RNH1: variants seen among roughly 807,000 people sequenced by gnomAD.
RNH1 encodes the protein ribonuclease inhibitor.
RNH1 carries 38 observed loss-of-function variants against 46.1 expected under a neutral mutation model. The ratio of observed to expected loss-of-function variants is 0.82; its 90% CI spans 0.64 to 1.08. RNH1 has a LOEUF of 1.08. Ranked by LOEUF, RNH1 falls within the 50% of genes least tolerant of loss-of-function variation. RNH1 has a pLI of 0.00. For missense variants in RNH1, 577 were observed against 590.7 expected, an observed-to-expected ratio of 0.98 and a Z score of 0.24; for synonymous variants, 319 against 279.1, an observed-to-expected ratio of 1.14 and a Z score of -1.43.
intron 7 of RNH1, 21 bp from the exon 8 acceptor site, chr11:498,648 C>T (rs1849396714): frequency 1.2e-6 from 2 of 1,610,480 alleles, no homozygotes; most frequent in Admixed American, 1.7e-5. Context: ...TGGACCACCA[C>T]AGACTTTCCT....
rs564782680 is a variant in RNH1, at chr11:500,761, GCAAGGCAAGTCA to G, written c.102-119_102-108del. ...AACCTATCAGTGGGCCCAGAAGACA[GCAAGGCAAGTCA>G]CACAAGACATTTCAGAAATGAAACA... is the stretch of plus-strand genomic sequence containing the variant. On this transcript the variant is annotated intron_variant, in intron 3 of 10. Transcript: ENST00000354420. 5.2e-4 allele frequency: 606 copies of G among 1,158,820 alleles called. 2 individuals are homozygous for G. Among genetic ancestry groups the G allele is most frequent in the East Asian group, 3.6e-3 (146 of 40,254 alleles). The allele number at this position is 1,158,820 out of a possible 1,614,324, so 71.8% of individuals were successfully genotyped here.
intron 4 of RNH1, chr11:500,279 G>C (rs762091552): frequency 5.7e-6 from 4 of 701,210 alleles, no homozygotes; most frequent in Non-Finnish European, 9.3e-6. Flanking sequence ...TCTTGGGTGC[G>C]GGGGCTGGGA....
chr11:501,930 G>C lies in RNH1; in HGVS notation c.101+132C>G. On this transcript the variant is annotated intron_variant, in intron 3 of 10. Transcript: ENST00000354420. This position sits in a 1 kb window ranked among gnomAD's most constrained non-coding sequence, Gnocchi z 4.1. ...AACACAAGAATCACATCTCATGCAC[G>C]TGGTAGCTGCACAGAATTCATACTT... 1 of 631,260 alleles carries C rather than the reference G, an allele frequency of 1.6e-6. No homozygotes were observed. The highest frequency in any genetic ancestry group is 2.8e-6 in the Non-Finnish European group (1 of 351,304). The allele number at this position is 631,260 out of a possible 1,614,324, so 39.1% of individuals were successfully genotyped here.
chr11:500,835 A>G, intron 3 of RNH1, 181 bp from the exon 4 acceptor site: 1 of 803,584 alleles, frequency 1.2e-6, no homozygotes, highest in East Asian at 2.7e-5. Flanking sequence ...TTTGTTTAAG[A>G]TGCTCGCACG....
chr11:499,407 T>G (rs1849511920), intron 5 of RNH1: 2 of 671,064 alleles, frequency 3.0e-6, no homozygotes, highest in Non-Finnish European at 5.4e-6. Flanking sequence ...GACCTCAGAC[T>G]TTGGGGCCCA....
intron 1 of RNH1, 159 bp downstream of exon 1, chr11:506,954 G>A (rs1352127126): frequency 2.6e-5 from 4 of 152,178 alleles, no homozygotes; most frequent in African/African-American, 9.7e-5. Context: ...GATAGCCCCG[G>A]ACCCCTGCCC....
intron 9 of RNH1, among the ~76,000 whole-genome samples, chr11:496,385 T>C (rs1462521608): frequency 6.6e-6 from 1 of 151,598 alleles, no homozygotes; most frequent in Non-Finnish European, 1.5e-5. Flanking sequence ...AATACAAAAA[T>C]TAGGCCAGGC....
In RNH1 at chr11:500,539, C is replaced by G. The variant is rs150705572; in HGVS notation, c.217G>C (p.Val73Leu). Residue 73 changes from valine (V) to leucine (L), a missense_variant, in exon 4 of 11, where the codon GTG becomes CTG. Coordinates refer to ENST00000354420, the MANE Select transcript of RNH1 (RefSeq NM_203387.3). ...LRSNELGDVG[V>L]HCVLQGLQTP... ...TGCAGGCCCTGGAGCACGCAATGCA[C>G]GCCGACATCGCCCAGCTCGTTGCTG... 10 of 1,610,590 alleles carry G rather than the reference C, an allele frequency of 6.2e-6. No individual in the cohort carries two copies. The highest frequency in any genetic ancestry group is 1.3e-5 in the African/African-American group (1 of 74,928).
intron 4 of RNH1, 145 bp from the exon 5 acceptor site, chr11:500,144 G>A (rs1849610279): frequency 4.0e-6 from 4 of 998,988 alleles, no homozygotes; most frequent in South Asian, 1.7e-5. Context: ...GGGGTCTGGG[G>A]TCTCCAGGCC....
intron 1 of RNH1, chr11:506,484 C>T (rs1419579459): frequency 6.6e-6 from 1 of 152,266 alleles, no homozygotes; most frequent in Admixed American, 6.5e-5. Flanking sequence ...TTGCTCTCCT[C>T]CCCGCAGCCC....
At chr11:500,946 T>C in intron 3 of RNH1, 2 of 474,306 alleles carry the variant, frequency 4.2e-6, no homozygotes, top group Non-Finnish European at 7.8e-6. Context: ...CTGACCAACA[T>C]GGAGAAACCC....
intron 8 of RNH1, 113 bp downstream of exon 8, chr11:498,344 G>T: frequency 7.0e-7 from 1 of 1,421,496 alleles, no homozygotes. Context: ...GCATTCTGAA[G>T]GTCGGAGCTG....
At chr11:500,698 T>C in intron 3 of RNH1, 44 bp from the exon 4 acceptor site, 1 of 1,596,256 alleles carries the variant, frequency 6.3e-7, no homozygotes. Flanking sequence ...CAGACAGCAC[T>C]GGCCTCAGCC....
At chr11:506,644 G>A (rs1850293892) in intron 1 of RNH1, 1 of 152,386 alleles carries the variant, frequency 6.6e-6, no homozygotes, top group Non-Finnish European at 1.5e-5. Flanking sequence ...AGCCGTTCGA[G>A]TCTTCTCCGC....
chr11:495,274 C>G (rs989154773), intron 9 of RNH1, among the ~76,000 whole-genome samples: 1 of 152,210 alleles, frequency 6.6e-6, no homozygotes, highest in Non-Finnish European at 1.5e-5. Flanking sequence ...CAGCCTCACT[C>G]GCCTGAGATC....
chr11:500,127 G>A lies in RNH1; in HGVS notation c.273-128C>T. On this transcript the variant is annotated intron_variant, in intron 4 of 10. Coordinates refer to ENST00000354420, the MANE Select transcript of RNH1 (RefSeq NM_203387.3). ...TCTATACCTGCTCCTTCCCTGGACG[G>A]GGCTCTGGGGTCTGGGGTCTCCAGG... The A allele has an allele frequency of 2.6e-6, 3 of 1,141,228 alleles. 1 individual carries two copies. The South Asian group carries it at 4.9e-5, about 19-fold the overall frequency. 70.7% of individuals were successfully genotyped at this position (1,141,228 alleles called of 1,614,324 possible).
Position 498,549 on chromosome 11 carries a change from C to T in RNH1, c.864G>A (p.Glu288=), listed in dbSNP as rs748004211. The T allele has an allele frequency of 3.1e-6, 5 of 1,613,226 alleles. No individual in the cohort carries two copies. Among genetic ancestry groups the T allele is most frequent in the Admixed American group, 1.7e-5 (1 of 60,026 alleles). ...CCAGCTCGTTGCCGGCCAGGCTGAGCTCCTTCAGGCTCTCCTTGGCCCTGA... is the reference window on the plus strand; with the variant it reads ...CCAGCTCGTTGCCGGCCAGGCTGAGTTCCTTCAGGCTCTCCTTGGCCCTGA... The part of the protein sequence containing the change: ...RVLRAKESLK[E]LSLAGNELGD... The change falls in exon 8 of 11, where the codon GAG becomes GAA. Residue 288 remains glutamate (E), a synonymous_variant. Coordinates refer to ENST00000354420, the MANE Select transcript of RNH1 (RefSeq NM_203387.3).
chr11:500,444 G>C (rs764334136), intron 4 of RNH1, 40 bp downstream of exon 4: 19 of 1,579,998 alleles, frequency 1.2e-5, no homozygotes, highest in Admixed American at 1.7e-5. Flanking sequence ...TACCAAAGCA[G>C]ACTGCACCAG....
chr11:499,667 A>G, intron 5 of RNH1, 162 bp downstream of exon 5: 1 of 843,644 alleles, frequency 1.2e-6, no homozygotes, highest in Non-Finnish European at 1.9e-6. Flanking sequence ...GGAGAGCACC[A>G]CAAGGCCCCA....
Sources: gnomAD v4.1 joint callset for allele counts (sites outside exome capture counted in the v4.1 genomes callset) on GRCh38, gnomAD v4.1.1 for gene constraint, Gnocchi (gnomAD v3.1) non-coding constraint, MANE v1.5 for transcripts, NCBI Gene and HGNC (gene_info 2026-07-23, HGNC 2026-07-21) for gene names.